NFIB: variants seen among roughly 807,000 people sequenced by gnomAD.
The protein encoded by NFIB is nuclear factor I B.
NFIB carries 11 observed loss-of-function variants against 61.5 expected under a neutral mutation model. The ratio of observed to expected loss-of-function variants is 0.18; its 90% CI spans 0.11 to 0.30. NFIB has a LOEUF of 0.30. NFIB is among the 10% of genes least tolerant of loss of function. The probability of loss-of-function intolerance (pLI) is 1.00; values close to 1 mark genes in which losing one functional copy is unlikely to be tolerated. For missense variants in NFIB, 471 were observed against 608.9 expected, an observed-to-expected ratio of 0.77 and a Z score of 2.38; for synonymous variants, 260 against 216.5, an observed-to-expected ratio of 1.20 and a Z score of -1.76.
chr9:14,524,862 GATA>G, the NFIB span, among the ~76,000 whole-genome samples: 3 of 152,152 alleles, frequency 2.0e-5, no homozygotes, highest in East Asian at 1.9e-4. Flanking sequence ...AATATCACCA[GATA>G]ATAATATGTA....
chr9:14,133,834 T>A (rs1159150276), intron 6 of NFIB, among the ~76,000 whole-genome samples: 1 of 152,188 alleles, frequency 6.6e-6, no homozygotes, highest in East Asian at 1.9e-4. Flanking sequence ...AGGATCTCCA[T>A]GTAGAGAATG....
At chr9:14,327,953 T>G (rs2060774845) in intron 1 of NFIB, among the ~76,000 whole-genome samples, 1 of 152,196 alleles carries the variant, frequency 6.6e-6, no homozygotes, top group South Asian at 2.1e-4. Context: ...GGAGCAGTGG[T>G]AGATGGAAAA....
At chr9:14,145,910 A>G (rs961149187) in intron 6 of NFIB, among the ~76,000 whole-genome samples, 1 of 152,020 alleles carries the variant, frequency 6.6e-6, no homozygotes, top group Admixed American at 6.6e-5. Flanking sequence ...GACAATTTAA[A>G]AATACATGTT....
chr9:14,166,789 A>G (rs2044845979), intron 3 of NFIB, among the ~76,000 whole-genome samples: 1 of 152,142 alleles, frequency 6.6e-6, no homozygotes, highest in Admixed American at 6.6e-5. Flanking sequence ...CTCTATATCA[A>G]TGCTTTTTTC....
intron 1 of NFIB, among the ~76,000 whole-genome samples, chr9:14,393,289 T>A (rs973096861): frequency 6.6e-6 from 1 of 152,136 alleles, no homozygotes. Context: ...GGCTATGGCC[T>A]AAAAAAATAC....
chr9:14,420,009 G>A, the NFIB span, among the ~76,000 whole-genome samples: 1 of 152,032 alleles, frequency 6.6e-6, no homozygotes, highest in Non-Finnish European at 1.5e-5. Context: ...TATCAGGTTG[G>A]GGACAGGACC....
chr9:14,287,380 G>A (rs1046518341), intron 2 of NFIB, among the ~76,000 whole-genome samples: 3 of 151,464 alleles, frequency 2.0e-5, no homozygotes, highest in Admixed American at 6.6e-5. Flanking sequence ...AGTGAGCTGA[G>A]ATCACGCCAC....
intron 6 of NFIB, among the ~76,000 whole-genome samples, chr9:14,130,232 C>T (rs143040892): frequency 1.3e-5 from 2 of 152,280 alleles, no homozygotes; most frequent in East Asian, 3.9e-4. Context: ...AGATCTACCA[C>T]AGTATCACAT....
intron 2 of NFIB, among the ~76,000 whole-genome samples, chr9:14,233,857 T>G (rs904289848): frequency 3.4e-4 from 52 of 152,322 alleles, no homozygotes; most frequent in Non-Finnish European, 8.8e-5. Context: ...GTCTATCAAT[T>G]TTGATCTGAA....
chr9:14,441,240 C>T, the NFIB span, among the ~76,000 whole-genome samples: 78 of 151,240 alleles, frequency 5.2e-4, no homozygotes, highest in African/African-American at 1.4e-3. Flanking sequence ...TAAATAGCTA[C>T]GACATTTAAT....
At chr9:14,127,138 C>G (rs1049249553) in intron 6 of NFIB, among the ~76,000 whole-genome samples, 3 of 152,140 alleles carry the variant, frequency 2.0e-5, no homozygotes, top group African/African-American at 4.8e-5. Context: ...AATATTTTAA[C>G]AGGGTTCACC....
chr9:14,136,479 G>T (rs1227334485), intron 6 of NFIB, among the ~76,000 whole-genome samples: 1 of 152,134 alleles, frequency 6.6e-6, no homozygotes, highest in Non-Finnish European at 1.5e-5. Context: ...GTAAAAGTCA[G>T]AAAGATACTG....
intron 1 of NFIB, among the ~76,000 whole-genome samples, chr9:14,351,005 G>A (rs181919911): frequency 2.0e-5 from 3 of 152,340 alleles, no homozygotes; most frequent in Non-Finnish European, 2.9e-5. Flanking sequence ...TGGCAAAGGA[G>A]ACTCGGAGGG....
intron 1 of NFIB, among the ~76,000 whole-genome samples, chr9:14,350,095 C>T (rs376049016): frequency 6.6e-6 from 1 of 152,176 alleles, no homozygotes; most frequent in Non-Finnish European, 1.5e-5. Flanking sequence ...CGGGGACCCT[C>T]CTGGGCCTGG....
chr9:14,525,982 C>T, the NFIB span, among the ~76,000 whole-genome samples: 85,194 of 151,848 alleles, frequency 0.56, 24,415 homozygotes, highest in Non-Finnish European at 0.62. Context: ...AGGTGCCTCG[C>T]CGACTCCATC....
chr9:14,150,296 T>C (rs754528681), intron 4 of NFIB, 31 bp from the exon 5 acceptor site: 1 of 1,612,594 alleles, frequency 6.2e-7, no homozygotes, highest in African/African-American at 1.3e-5. Flanking sequence ...GCACTGGGAA[T>C]GACATTCGTA....
the NFIB span, among the ~76,000 whole-genome samples, chr9:14,464,949 A>G: frequency 1.3e-5 from 2 of 152,206 alleles, no homozygotes; most frequent in East Asian, 1.9e-4. Flanking sequence ...AATGTACTCA[A>G]TAGATATTAT....
chr9:14,310,393 T>C (rs1420755682), intron 1 of NFIB, among the ~76,000 whole-genome samples: 1 of 152,184 alleles, frequency 6.6e-6, no homozygotes, highest in African/African-American at 2.4e-5. Context: ...AAAATGACTG[T>C]AAATTGAGGT....
chr9:14,350,512 G>C (rs1289958876), intron 1 of NFIB, among the ~76,000 whole-genome samples: 1 of 146,964 alleles, frequency 6.8e-6, no homozygotes, highest in Non-Finnish European at 1.5e-5. Flanking sequence ...ACCTGGGTGG[G>C]GTGGGGGGGG....
Sources: allele counts gnomAD v4.1 joint callset (sites outside exome capture counted in the v4.1 genomes callset), GRCh38; gene constraint gnomAD v4.1.1; transcripts MANE v1.5; gene names NCBI Gene and HGNC (gene_info 2026-07-23, HGNC 2026-07-21).